The following DNAH3 variants were observed in gnomAD, a reference collection of about 807,000 sequenced individuals.
DNAH3 encodes the protein dynein axonemal heavy chain 3.
In DNAH3, 332 loss-of-function variants were observed where a neutral mutation model predicts 432.5. The observed-to-expected ratio is 0.77, with a 90% CI of 0.70 to 0.84. The LOEUF is 0.84. DNAH3 is among the 40% of genes least tolerant of loss of function. The pLI is 0.00. For missense variants in DNAH3, 4,861 were observed against 5,114.0 expected (o/e 0.95, Z 1.51); for synonymous variants, 1,956 against 1,900.2 (o/e 1.03, Z -0.76).
At chr16:21,135,786 C>T (rs189201888) in intron 6 of DNAH3, among the ~76,000 whole-genome samples, 11 of 151,662 alleles carry the variant, frequency 7.3e-5, no homozygotes, top group Non-Finnish European at 1.5e-4. Context: ...TGTCTATAAT[C>T]CCAGCACTTT....
intron 31 of DNAH3, among the ~76,000 whole-genome samples, chr16:21,042,601 G>A (rs1056690485): frequency 9.2e-5 from 14 of 151,926 alleles, no homozygotes; most frequent in East Asian, 5.8e-4. Flanking sequence ...CTTTTAGCAC[G>A]TTGGTATTTG....
chr16:21,082,080 T>C (rs1442030649), intron 19 of DNAH3, among the ~76,000 whole-genome samples: 1 of 151,088 alleles, frequency 6.6e-6, no homozygotes, highest in Non-Finnish European at 1.5e-5. Flanking sequence ...TTAAATTTAT[T>C]GTAGAGATAG....
At chr16:20,943,434 G>C (rs2083905084) in intron 58 of DNAH3, among the ~76,000 whole-genome samples, 1 of 151,708 alleles carries the variant, frequency 6.6e-6, no homozygotes, top group Non-Finnish European at 1.5e-5. Context: ...ATGTTGCCCA[G>C]GCTGGCCTCG....
Position 21,110,262 on chromosome 16 carries a change from T to C in DNAH3, c.2099+1364A>G, listed in dbSNP as rs551616439. Among the ~76,000 whole-genome samples, 5 of 152,336 alleles carry C rather than the reference T, an allele frequency of 3.3e-5. No homozygotes were observed. The South Asian group carries it at 6.2e-4, about 19-fold the overall frequency. ...TCAGCTCATGTGGTTTAGGTGGTGT[T>C]GACACCCATCCCAGAGATGGGAACA... is the stretch of plus-strand genomic sequence containing the variant. On this transcript the variant is annotated intron_variant, in intron 14 of 61. Transcript: ENST00000261383.
exon 53 of DNAH3, chr16:20,965,368 A>G: frequency 1.3e-6 from 2 of 1,545,568 alleles, no homozygotes; most frequent in Non-Finnish European, 1.7e-6. Context: ...ACTCTCCAAG[A>G]ATTTCAGATC....
At chr16:21,133,384 TA>T (rs2092597421) in intron 7 of DNAH3, among the ~76,000 whole-genome samples, 1 of 121,954 alleles carries the variant, frequency 8.2e-6, no homozygotes. Context: ...AAAAAAGGAA[TA>T]AAACCCAAGC....
chr16:21,145,102 A>G, intron 3 of DNAH3, 79 bp downstream of exon 4: 2 of 1,246,840 alleles, frequency 1.6e-6, no homozygotes, highest in South Asian at 1.4e-5. Context: ...ACAGAGTGAG[A>G]CTCCATCTAA....
chr16:21,001,272 C>T (rs1055272298), intron 42 of DNAH3, among the ~76,000 whole-genome samples: 3 of 152,206 alleles, frequency 2.0e-5, no homozygotes, highest in Non-Finnish European at 4.4e-5. Context: ...GGCTTGGATT[C>T]TCTGAGTTTG....
At chr16:20,957,526 C>T (rs1352940898) in intron 54 of DNAH3, among the ~76,000 whole-genome samples, 2 of 152,076 alleles carry the variant, frequency 1.3e-5, no homozygotes, top group East Asian at 3.9e-4. Context: ...ATAAGAGAAT[C>T]CCTTGGCTGG....
intron 1 of DNAH3, among the ~76,000 whole-genome samples, chr16:21,157,520 G>A (rs1270167): frequency 0.15 from 23,125 of 151,752 alleles, 2,340 homozygotes; most frequent in Non-Finnish European, 0.23. Context: ...AGTAGAGATG[G>A]GGTTTCACCA....
At chr16:21,082,945 TCTTG>T (rs1294339536) in intron 19 of DNAH3, among the ~76,000 whole-genome samples, 5 of 149,982 alleles carry the variant, frequency 3.3e-5, no homozygotes, top group African/African-American at 1.2e-4. Flanking sequence ...CCTTGTTCCA[TCTTG>T]CTTTTTTTTT....
At chr16:20,933,716 C>T (rs1419744299) in intron 61 of DNAH3, among the ~76,000 whole-genome samples, 2 of 152,208 alleles carry the variant, frequency 1.3e-5, no homozygotes, top group African/African-American at 4.8e-5. Flanking sequence ...CTGCCCTTCC[C>T]AATGGTGGGC....
At chr16:21,090,077 T>A (rs555569504) in intron 18 of DNAH3, among the ~76,000 whole-genome samples, 134 of 151,446 alleles carry the variant, frequency 8.8e-4, no homozygotes, top group African/African-American at 2.7e-3. Flanking sequence ...CATTTTTTTT[T>A]AAAATGAAGC....
intron 20 of DNAH3, among the ~76,000 whole-genome samples, chr16:21,077,420 C>T (rs2091014915): frequency 6.6e-6 from 1 of 152,200 alleles, no homozygotes; most frequent in Non-Finnish European, 1.5e-5. Context: ...GCCTCGGCCT[C>T]CCAAAGTGCT....
At chr16:21,041,595 C>G (rs934864850) in intron 32 of DNAH3, among the ~76,000 whole-genome samples, 1 of 152,166 alleles carries the variant, frequency 6.6e-6, no homozygotes, top group Admixed American at 6.6e-5. Flanking sequence ...AGCTGGGTCT[C>G]TCTTATCACT....
At chr16:20,994,899 C>T (rs1014942346) in intron 44 of DNAH3, among the ~76,000 whole-genome samples, 5 of 151,560 alleles carry the variant, frequency 3.3e-5, no homozygotes, top group Middle Eastern at 3.4e-3. Context: ...CATTATTTGC[C>T]GTGTTTATTC....
At chr16:21,085,211 C>A (rs1299887065) in intron 19 of DNAH3, among the ~76,000 whole-genome samples, 1 of 151,846 alleles carries the variant, frequency 6.6e-6, no homozygotes, top group Middle Eastern at 3.2e-3. Flanking sequence ...AGACCCCCCC[C>A]ATCTCTATTT....
chr16:20,947,887 T>C (rs948400332), intron 57 of DNAH3, among the ~76,000 whole-genome samples: 4 of 152,034 alleles, frequency 2.6e-5, no homozygotes, highest in African/African-American at 9.7e-5. Flanking sequence ...GCAATTCCCC[T>C]GCCTCAGCCT....
intron 3 of DNAH3, 149 bp from the exon 5 acceptor site, chr16:21,141,521 G>A: frequency 1.7e-6 from 1 of 601,586 alleles, no homozygotes; most frequent in Non-Finnish European, 2.9e-6. Flanking sequence ...TGTGGGCTCA[G>A]GTCTCATGTG....
Sources: allele counts gnomAD v4.1 joint callset (sites outside exome capture counted in the v4.1 genomes callset), GRCh38; gene constraint gnomAD v4.1.1; transcripts MANE v1.5; gene names NCBI Gene and HGNC (gene_info 2026-07-23, HGNC 2026-07-21).